MAPK10: variants seen among roughly 807,000 people sequenced by gnomAD.
MAPK10 encodes JNK3 alpha protein kinase.
In MAPK10, 25 loss-of-function variants were observed where a neutral mutation model predicts 59.3. That is an observed-to-expected ratio of 0.42 (90% CI 0.31 to 0.59). The LOEUF is 0.59. Ranked by LOEUF, MAPK10 falls within the 20% of genes least tolerant of loss-of-function variation. The pLI is 0.15. For synonymous variants in MAPK10, 190 were observed against 200.5 expected (o/e 0.95, Z 0.44); for missense variants, 351 against 568.9 (o/e 0.62, Z 3.90).
intron 2 of MAPK10, among the ~76,000 whole-genome samples, chr4:86,261,407 C>G (rs2093974841): frequency 6.6e-6 from 1 of 152,182 alleles, no homozygotes; most frequent in South Asian, 2.1e-4. Context: ...TGTCACGTGC[C>G]TTTTTAAACT....
intron 11 of MAPK10, among the ~76,000 whole-genome samples, chr4:86,041,949 G>A (rs866119203): frequency 2.6e-5 from 4 of 152,104 alleles, no homozygotes; most frequent in Non-Finnish European, 4.4e-5. Context: ...CATTTGACCC[G>A]GCAATCCCAT....
chr4:86,129,328 A>G (rs1480758157), intron 4 of MAPK10, among the ~76,000 whole-genome samples: 1 of 152,188 alleles, frequency 6.6e-6, no homozygotes, highest in Non-Finnish European at 1.5e-5. Context: ...AGAAAATACT[A>G]AAAGCCAAAA....
intron 9 of MAPK10, among the ~76,000 whole-genome samples, chr4:86,087,379 C>G (rs2052113859): frequency 6.6e-6 from 1 of 152,108 alleles, no homozygotes; most frequent in Admixed American, 6.6e-5. Flanking sequence ...AAGACAATTT[C>G]ATATTCATGC....
rs907751353 is a variant in MAPK10, at chr4:86,447,016, A to G, written c.-122+6014T>C. Among the ~76,000 whole-genome samples, 6 of 152,238 alleles carry G rather than the reference A, an allele frequency of 3.9e-5. No individual in the cohort carries two copies. In the East Asian group the frequency reaches 1.2e-3, roughly 29 times the overall value. On this transcript the variant is annotated intron_variant, in intron 1 of 13. Coordinates refer to the MAPK10 transcript ENST00000361569. ...TCATCTTTTCACTTATTTATGTTGCATGTTAAACGTTTGTAACATAAACTG... is the reference window on the plus strand; with the variant it reads ...TCATCTTTTCACTTATTTATGTTGCGTGTTAAACGTTTGTAACATAAACTG...
At chr4:86,447,112 T>C (rs1407405739) in intron 1 of MAPK10, among the ~76,000 whole-genome samples, 1 of 152,142 alleles carries the variant, frequency 6.6e-6, no homozygotes, top group Non-Finnish European at 1.5e-5. Flanking sequence ...ACCACCCAAA[T>C]CTTATCTCAA....
chr4:86,570,039 A>G (rs543831540), intron 1 of MAPK10, among the ~76,000 whole-genome samples: 34 of 152,344 alleles, frequency 2.2e-4, no homozygotes, highest in Admixed American at 2.2e-3. Flanking sequence ...CATCAAGATA[A>G]AAGTCTGAGA....
At chr4:86,161,897 A>AAT (rs1318383091) in intron 3 of MAPK10, among the ~76,000 whole-genome samples, 4 of 152,034 alleles carry the variant, frequency 2.6e-5, no homozygotes, top group Non-Finnish European at 5.9e-5. Flanking sequence ...GGTCTCAGTC[A>AAT]ATATATCATA....
At chr4:86,036,199 T>A (rs917340304) in intron 11 of MAPK10, among the ~76,000 whole-genome samples, 1 of 152,154 alleles carries the variant, frequency 6.6e-6, no homozygotes, top group African/African-American at 2.4e-5. Flanking sequence ...AGCATGCCTC[T>A]GAACCCTTTG....
At chr4:86,202,907 A>G (rs191434955) in intron 2 of MAPK10, among the ~76,000 whole-genome samples, 260 of 152,114 alleles carry the variant, frequency 1.7e-3, no homozygotes, top group African/African-American at 5.9e-3. Flanking sequence ...ACTTTAAAAG[A>G]TAAAAAATGT....
chr4:86,492,921 A>C (rs1300476295), intron 1 of MAPK10, among the ~76,000 whole-genome samples: 1 of 152,144 alleles, frequency 6.6e-6, no homozygotes, highest in African/African-American at 2.4e-5. Context: ...CCTGAGAAGG[A>C]CTCCGTAATT....
chr4:86,026,286 C>T (rs1472144834), intron 13 of MAPK10: 2 of 152,140 alleles, frequency 1.3e-5, no homozygotes, highest in African/African-American at 2.4e-5. Context: ...CTAGTTCTAA[C>T]GTACTATAAC....
chr4:86,070,556 C>G (rs1185126509), intron 9 of MAPK10, among the ~76,000 whole-genome samples: 1 of 135,422 alleles, frequency 7.4e-6, no homozygotes, highest in African/African-American at 2.8e-5. Flanking sequence ...CCCACCCCAC[C>G]ACAGTCCCCA....
intron 2 of MAPK10, among the ~76,000 whole-genome samples, chr4:86,280,502 A>G (rs2094755686): frequency 6.6e-6 from 1 of 152,166 alleles, no homozygotes. Flanking sequence ...ACCCTGTTGG[A>G]GGGAATGTAA....
intron 11 of MAPK10, among the ~76,000 whole-genome samples, chr4:86,053,827 T>G (rs2044021847): frequency 1.3e-5 from 2 of 152,100 alleles, no homozygotes; most frequent in South Asian, 4.1e-4. Flanking sequence ...GATCTCACAA[T>G]ATCTCAGATA....
In MAPK10 at chr4:86,426,586, A is replaced by G. The variant is rs953355880; in HGVS notation, c.-122+26444T>C. ...CAGTTCCACAAGTTGGGAAAATGTT[A>G]CATACTGCAGCACCCTTTTAGGGAA... On this transcript the variant is annotated intron_variant, in intron 1 of 13. Transcript: ENST00000361569. Among the ~76,000 whole-genome samples the G allele has an allele frequency of 4.6e-5, 7 of 152,348 alleles. No individual in the cohort carries two copies. In the East Asian group the frequency reaches 1.2e-3, roughly 25 times the overall value.
intron 1 of MAPK10, among the ~76,000 whole-genome samples, chr4:86,493,524 C>G (rs1754641551): frequency 1.3e-5 from 2 of 152,154 alleles, no homozygotes; most frequent in South Asian, 4.1e-4. Context: ...ATTCTAGAAT[C>G]TACTCCACTT....
At chr4:86,275,342 T>C (rs1227960080) in intron 2 of MAPK10, among the ~76,000 whole-genome samples, 2 of 152,044 alleles carry the variant, frequency 1.3e-5, no homozygotes, top group African/African-American at 2.4e-5. Context: ...CAACTCAAAA[T>C]AACCTATATA....
intron 1 of MAPK10, among the ~76,000 whole-genome samples, chr4:86,495,211 G>A (rs935425455): frequency 3.3e-5 from 5 of 152,110 alleles, no homozygotes; most frequent in African/African-American, 1.2e-4. Flanking sequence ...ATGGTAAGAT[G>A]GGAGGCATTT....
chr4:86,513,065 T>C (rs1397807486), intron 1 of MAPK10, among the ~76,000 whole-genome samples: 1 of 152,108 alleles, frequency 6.6e-6, no homozygotes, highest in East Asian at 1.9e-4. Flanking sequence ...ATCCTTTTTT[T>C]CTTTTCTTTT....
Sources: allele counts gnomAD v4.1 joint callset (sites outside exome capture counted in the v4.1 genomes callset), GRCh38; gene constraint gnomAD v4.1.1; transcripts MANE v1.5; gene names NCBI Gene and HGNC (gene_info 2026-07-23, HGNC 2026-07-21).